The following ZNF280D variants were observed in gnomAD, a reference collection of about 807,000 sequenced individuals.
ZNF280D encodes zinc finger protein 280D, also known as suppressor of hairy wing homolog 4.
A neutral mutation model predicts 94.7 loss-of-function variants in ZNF280D; 39 were observed. The ratio of observed to expected loss-of-function variants is 0.41; its 90% CI spans 0.32 to 0.54. ZNF280D has a LOEUF of 0.54. Among genes scored for constraint, ZNF280D ranks in the 20% least tolerant of loss-of-function variants. The probability of loss-of-function intolerance (pLI) is 0.22; values close to 1 mark genes in which losing one functional copy is unlikely to be tolerated. For missense variants in ZNF280D, 1,090 were observed against 1,149.3 expected (o/e 0.95, Z 0.75); for synonymous variants, 398 against 377.6 (o/e 1.05, Z -0.63).
chr15:56,720,754 C>A (rs2058312122), intron 1 of ZNF280D, among the ~76,000 whole-genome samples: 1 of 152,082 alleles, frequency 6.6e-6, no homozygotes. Context: ...ACACTTCCAT[C>A]AGAGCTCTTG....
chr15:56,703,317 G>A (rs765688963), intron 4 of ZNF280D, among the ~76,000 whole-genome samples: 5 of 152,180 alleles, frequency 3.3e-5, no homozygotes, highest in Non-Finnish European at 5.9e-5. Flanking sequence ...GTTGCTGGAA[G>A]ACGGATATGG....
chr15:56,693,032 C>A, intron 7 of ZNF280D, 66 bp downstream of exon 7: 2 of 925,420 alleles, frequency 2.2e-6, no homozygotes, highest in South Asian at 3.0e-5. Context: ...AACAGAAAGT[C>A]AATCTCATAT....
intron 21 of ZNF280D, among the ~76,000 whole-genome samples, chr15:56,633,154 T>C (rs1596312651): frequency 6.6e-6 from 1 of 152,296 alleles, no homozygotes; most frequent in East Asian, 1.9e-4. Flanking sequence ...ATTTCTTACA[T>C]TTAATCTGAC....
At chr15:56,698,757 G>C (rs2056893009) in intron 6 of ZNF280D, 1 of 152,168 alleles carries the variant, frequency 6.6e-6, no homozygotes, top group Non-Finnish European at 1.5e-5. Flanking sequence ...TGCTAGCTTT[G>C]AGGAAGCAAG....
chr15:56,660,875 A>C (rs891563423), intron 16 of ZNF280D, among the ~76,000 whole-genome samples: 1 of 152,072 alleles, frequency 6.6e-6, no homozygotes, highest in Non-Finnish European at 1.5e-5. Context: ...AAGAAACATA[A>C]AAGGAACAAT....
intron 6 of ZNF280D, among the ~76,000 whole-genome samples, chr15:56,694,699 T>C (rs2141122532): frequency 6.6e-6 from 1 of 152,186 alleles, no homozygotes; most frequent in Middle Eastern, 3.4e-3. Flanking sequence ...GTCAAGTTCA[T>C]GGAAGACAAA....
chr15:56,631,858 T>G lies in ZNF280D; in HGVS notation c.2580A>C (p.Ile860=). ...ELKMCQSSEN[I]ILSDQIKDHN... ...GATCTTTAATCTGATCAGATAAGAT[T>G]ATGTTTTCTGAACTTTGGCACATCT... Residue 860 remains isoleucine, a synonymous_variant, in exon 22 of 22, where the codon ATA becomes ATC. Coordinates refer to ENST00000267807, the MANE Select transcript of ZNF280D (RefSeq NM_017661.4). The G allele has an allele frequency of 1.2e-6, 2 of 1,613,876 alleles. No individual in the cohort carries two copies. Among genetic ancestry groups the G allele is most frequent in the Non-Finnish European group, 1.7e-6 (2 of 1,180,002 alleles).
intron 1 of ZNF280D, among the ~76,000 whole-genome samples, chr15:56,715,120 G>A (rs1212777365): frequency 1.3e-5 from 2 of 152,084 alleles, no homozygotes; most frequent in Admixed American, 6.6e-5. Flanking sequence ...ATAAGACAGT[G>A]CATCAAATTC....
At chr15:56,706,231 T>C (rs2057393815) in intron 3 of ZNF280D, among the ~76,000 whole-genome samples, 1 of 147,692 alleles carries the variant, frequency 6.8e-6, no homozygotes, top group Non-Finnish European at 1.5e-5. Context: ...TCACAACACT[T>C]TGGGAGGCTG....
chr15:56,670,090 G>T (rs2054760063), intron 13 of ZNF280D, among the ~76,000 whole-genome samples: 1 of 100,480 alleles, frequency 1.0e-5, no homozygotes, highest in Non-Finnish European at 2.0e-5. Context: ...ATATACACAT[G>T]CACACACACA....
intron 14 of ZNF280D, chr15:56,668,076 AT>A: frequency 2.7e-5 from 12 of 440,928 alleles, no homozygotes; most frequent in South Asian, 1.6e-4. Context: ...TCTTGCTATC[AT>A]GTCTTCAGAG....
At chr15:56,659,837 G>A (rs2053811893) in intron 16 of ZNF280D, among the ~76,000 whole-genome samples, 2 of 151,354 alleles carry the variant, frequency 1.3e-5, no homozygotes, top group African/African-American at 4.9e-5. Flanking sequence ...ACACACCTGG[G>A]TCAATGCTTA....
chr15:56,634,029 T>C (rs1390640837), intron 21 of ZNF280D: 1 of 152,122 alleles, frequency 6.6e-6, no homozygotes, highest in Non-Finnish European at 1.5e-5. Flanking sequence ...TATATAGATA[T>C]AGATATTTTT....
At chr15:56,654,667 G>A (rs2053422940) in intron 17 of ZNF280D, 164 bp from the exon 18 acceptor site, 2 of 662,630 alleles carry the variant, frequency 3.0e-6, no homozygotes, top group African/African-American at 1.8e-5. Context: ...TCTGGTAAAT[G>A]ACATAGCCAT....
intron 1 of ZNF280D, among the ~76,000 whole-genome samples, chr15:56,725,220 G>C (rs537553914): frequency 6.6e-6 from 1 of 151,596 alleles, no homozygotes; most frequent in Non-Finnish European, 1.5e-5. Context: ...GTCAAAATGC[G>C]TATCAACTCA....
At position 56,676,773 on chromosome 15, in the gene ZNF280D, T is replaced by C; in HGVS notation, c.1307A>G (p.His436Arg). Reference protein sequence around the residue: ...RSSSFSDVETHFRTSHENTKN... With the variant: ...RSSSFSDVETRFRTSHENTKN... ...AGTGTTTTCATGGGATGTTCTAAAA[T>C]GAGTTTCTACATCAGAAAATGATGA... The change falls in exon 13 of 22, where the codon CAT (histidine) becomes CGT (arginine). Residue 436 changes from histidine (H) to arginine (R), a missense_variant. His to Arg is a conservative substitution (Grantham distance 29). This residue lies in a region of ZNF280D where 127 missense variants were observed against 208.6 expected (regional missense o/e 0.61). Coordinates refer to ENST00000267807, the MANE Select transcript of ZNF280D (RefSeq NM_017661.4). 6.2e-7 allele frequency: 1 copy of C among 1,608,660 alleles called. No homozygotes were observed. Among genetic ancestry groups the C allele is most frequent in the Non-Finnish European group, 8.5e-7 (1 of 1,176,618 alleles).
intron 1 of ZNF280D, among the ~76,000 whole-genome samples, chr15:56,723,712 T>C (rs1261923426): frequency 6.6e-6 from 1 of 152,106 alleles, no homozygotes; most frequent in Non-Finnish European, 1.5e-5. Flanking sequence ...CATCCTTGCC[T>C]CTCCATCCAC....
Position 56,689,277 on chromosome 15 carries a change from T to C in ZNF280D, c.670+23A>G, listed in dbSNP as rs773338741. On this transcript the variant is annotated intron_variant, in intron 8 of 21. Coordinates refer to ENST00000267807, the MANE Select transcript of ZNF280D (RefSeq NM_017661.4). ...ATGTATAAATACTATAACTTCTTTT[T>C]ATGTACCACATTTCATATTTACCTT... 3.2e-6 allele frequency: 5 copies of C among 1,585,728 alleles called. 1 individual carries two copies. The South Asian group carries it at 5.9e-5, about 19-fold the overall frequency.
chr15:56,678,723 G>C lies in ZNF280D; in HGVS notation c.1103C>G (p.Pro368Arg). Residue 368 changes from proline (P) to arginine (R), a missense_variant, in exon 11 of 22, where the codon CCC becomes CGC. Transcript: ENST00000267807. The part of the protein sequence containing the change: ...TTCQHCYRQF[P>R]TPFQLQCHIE... ...GTGACACTGCAACTGAAATGGTGTG[G>C]GAAACTGACGGTAGCAGTGCTGGCA... The C allele has an allele frequency of 6.2e-7, 1 of 1,613,172 alleles. No individual in the cohort carries two copies. The highest frequency in any genetic ancestry group is 1.1e-5 in the South Asian group (1 of 90,942).
Sources: gnomAD v4.1 joint callset for allele counts (sites outside exome capture counted in the v4.1 genomes callset) on GRCh38, gnomAD v4.1.1 for gene constraint, gnomAD v4.1.1 regional missense constraint, MANE v1.5 for transcripts, NCBI Gene and HGNC (gene_info 2026-07-23, HGNC 2026-07-21) for gene names.